Variants in CNTNAP5 observed in about 807,000 individuals in gnomAD.
CNTNAP5 encodes contactin-associated protein-like 5.
CNTNAP5 carries 72 observed loss-of-function variants against 150.2 expected under a neutral mutation model. That is an observed-to-expected ratio of 0.48 (90% CI 0.40 to 0.58). CNTNAP5 has a LOEUF of 0.58. Ranked by LOEUF, CNTNAP5 falls within the 20% of genes least tolerant of loss-of-function variation. The probability of loss-of-function intolerance (pLI) is 0.00; values close to 1 mark genes in which losing one functional copy is unlikely to be tolerated. For missense variants in CNTNAP5, 1,636 were observed against 1,626.2 expected, an observed-to-expected ratio of 1.01 and a Z score of -0.10; for synonymous variants, 672 against 619.8, an observed-to-expected ratio of 1.08 and a Z score of -1.25.
chr2:124,597,471 C>T (rs943955660), intron 11 of CNTNAP5, among the ~76,000 whole-genome samples: 1 of 149,584 alleles, frequency 6.7e-6, no homozygotes, highest in African/African-American at 2.4e-5. Flanking sequence ...AATATTGGCC[C>T]CCACTCTCTT....
At chr2:124,415,872 A>G (rs879659013) in intron 3 of CNTNAP5, among the ~76,000 whole-genome samples, 4 of 152,190 alleles carry the variant, frequency 2.6e-5, no homozygotes, top group Non-Finnish European at 5.9e-5. Context: ...TTAAAAAAAT[A>G]TATTAGGTGT....
At chr2:124,661,061 A>G (rs1249241403) in intron 13 of CNTNAP5, among the ~76,000 whole-genome samples, 1 of 137,566 alleles carries the variant, frequency 7.3e-6, no homozygotes, top group Non-Finnish European at 1.5e-5. Context: ...CAGAGAGGGA[A>G]TGATGTGTGA....
In CNTNAP5 at chr2:124,772,814, C is replaced by G. The variant is rs759172003; in HGVS notation, c.2549C>G (p.Thr850Ser). Residue 850 changes from threonine (T) to serine (S), a missense_variant, in exon 17 of 24, where the codon ACC becomes AGC. By Grantham distance (58) the Thr-to-Ser change is moderately conservative. Transcript: ENST00000682447. ...CCGGTTTCAGCTCCTTCAGAGATCA[C>G]CTTTGCCATCGATGTTGGGAATGGT... is the stretch of plus-strand genomic sequence containing the variant. Reference protein sequence around the residue: ...RLEISSPSEITFAIDVGNGPV... With the variant: ...RLEISSPSEISFAIDVGNGPV... The G allele has an allele frequency of 4.3e-6, 7 of 1,613,548 alleles. No homozygotes were observed. Among genetic ancestry groups the G allele is most frequent in the Non-Finnish European group, 5.1e-6 (6 of 1,179,646 alleles).
intron 9 of CNTNAP5, among the ~76,000 whole-genome samples, chr2:124,525,048 T>C (rs1357288160): frequency 6.6e-6 from 1 of 152,194 alleles, no homozygotes; most frequent in African/African-American, 2.4e-5. Context: ...TGATGTTAAG[T>C]GAGTCCTGGG....
At chr2:124,302,365 C>T (rs766946815) in intron 3 of CNTNAP5, among the ~76,000 whole-genome samples, 1 of 152,194 alleles carries the variant, frequency 6.6e-6, no homozygotes, top group Non-Finnish European at 1.5e-5. Context: ...AACAGAATAA[C>T]ACAGACTGGG....
intron 1 of CNTNAP5, among the ~76,000 whole-genome samples, chr2:124,206,257 A>G (rs1685859673): frequency 6.6e-6 from 1 of 152,184 alleles, no homozygotes; most frequent in Non-Finnish European, 1.5e-5. Flanking sequence ...AACCAGGTCA[A>G]TAACACCTAA....
chr2:124,528,065 A>T (rs1252423882), intron 10 of CNTNAP5, among the ~76,000 whole-genome samples: 14 of 152,150 alleles, frequency 9.2e-5, no homozygotes, highest in Admixed American at 9.2e-4. Context: ...ACCAAAGAGG[A>T]TGGATTCTGA....
At chr2:124,887,522 C>A (rs996927089) in intron 21 of CNTNAP5, among the ~76,000 whole-genome samples, 2 of 152,082 alleles carry the variant, frequency 1.3e-5, no homozygotes, top group African/African-American at 4.8e-5. Context: ...TAGCAACCTA[C>A]CAGAGTTGCT....
chr2:124,533,546 C>T (rs147111804), intron 10 of CNTNAP5, among the ~76,000 whole-genome samples: 3 of 152,122 alleles, frequency 2.0e-5, no homozygotes, highest in Non-Finnish European at 4.4e-5. Context: ...ATGGTTCCTG[C>T]CCCCACCTAG....
At chr2:124,087,748 C>A (rs2104682654) in intron 1 of CNTNAP5, among the ~76,000 whole-genome samples, 1 of 151,840 alleles carries the variant, frequency 6.6e-6, no homozygotes, top group Non-Finnish European at 1.5e-5. Flanking sequence ...ATTTTCTTAA[C>A]CACACTAAAA....
At chr2:124,061,954 C>T (rs1395096802) in intron 1 of CNTNAP5, among the ~76,000 whole-genome samples, 6 of 152,064 alleles carry the variant, frequency 3.9e-5, no homozygotes, top group African/African-American at 7.2e-5. Flanking sequence ...ATTTTACCTC[C>T]GCAATGCCAT....
At position 124,316,004 on chromosome 2, in the gene CNTNAP5, T is replaced by C. The variant is rs1688949955; in HGVS notation, c.381+73611T>C. 3.3e-5 allele frequency among the ~76,000 whole-genome samples: 5 copies of C among 152,134 alleles called. No individual in the cohort carries two copies. The South Asian group carries it at 1.0e-3, about 32-fold the overall frequency. ...CCGATACCAGCCTGAGGATGGACCATATACAGAGGAAGCCAGAGCTAAGAG... is the reference window on the plus strand; with the variant it reads ...CCGATACCAGCCTGAGGATGGACCACATACAGAGGAAGCCAGAGCTAAGAG... On this transcript the variant is annotated intron_variant, in intron 3 of 23. Transcript: ENST00000682447.
intron 14 of CNTNAP5, 34 bp downstream of exon 14, chr2:124,747,419 A>AG (rs1276276363): frequency 2.5e-5 from 41 of 1,612,176 alleles, no homozygotes; most frequent in Non-Finnish European, 3.2e-5. Flanking sequence ...GCAATTGTAG[A>AG]GAAAGCACAT....
chr2:124,552,809 C>A (rs1001651401), intron 10 of CNTNAP5, among the ~76,000 whole-genome samples: 1 of 152,128 alleles, frequency 6.6e-6, no homozygotes, highest in African/African-American at 2.4e-5. Flanking sequence ...CCACCGGTAA[C>A]CACTGTTAAC....
intron 13 of CNTNAP5, among the ~76,000 whole-genome samples, chr2:124,685,769 CGT>C (rs386391125): frequency 2.9e-5 from 4 of 135,988 alleles, no homozygotes; most frequent in Admixed American, 7.2e-5. Flanking sequence ...TGTGCGCGCG[CGT>C]GTTATTGAGC....
intron 6 of CNTNAP5, among the ~76,000 whole-genome samples, chr2:124,453,585 A>T (rs1574004878): frequency 6.6e-6 from 1 of 152,188 alleles, no homozygotes; most frequent in Non-Finnish European, 1.5e-5. Context: ...TTGTCAGCAC[A>T]TTATCTAAAG....
chr2:124,294,668 G>A lies in CNTNAP5; in HGVS notation c.381+52275G>A, dbSNP rs140530591. Among the ~76,000 whole-genome samples the A allele has an allele frequency of 5.8e-3, 883 of 152,304 alleles. 6 individuals carry two copies. Among genetic ancestry groups the A allele is most frequent in the Non-Finnish European group, 0.01 (683 of 68,024 alleles). ...GCTTATAGGTCTTTGTGAGGAGCTC[G>A]AATTTGATGCTAAATGCTATGCGCA... On this transcript the variant is annotated intron_variant, in intron 3 of 23. Transcript: ENST00000682447.
At chr2:124,463,040 T>A (rs527325562) in intron 6 of CNTNAP5, among the ~76,000 whole-genome samples, 53 of 152,238 alleles carry the variant, frequency 3.5e-4, no homozygotes, top group Non-Finnish European at 6.5e-4. Context: ...ACCTCCTATG[T>A]CATCTCCCCT....
chr2:124,573,494 T>C (rs1323731065), intron 11 of CNTNAP5, among the ~76,000 whole-genome samples: 3 of 152,196 alleles, frequency 2.0e-5, no homozygotes, highest in Non-Finnish European at 2.9e-5. Flanking sequence ...TCCAAACCCC[T>C]ACAAGCAACA....
Sources: gnomAD v4.1 joint callset for allele counts (sites outside exome capture counted in the v4.1 genomes callset) on GRCh38, gnomAD v4.1.1 for gene constraint, MANE v1.5 for transcripts, NCBI Gene and HGNC (gene_info 2026-07-23, HGNC 2026-07-21) for gene names.